Variants in KSR2 observed in about 807,000 individuals in gnomAD.
KSR2 encodes the protein kinase suppressor of ras 2.
In KSR2, 25 loss-of-function variants were observed where a neutral mutation model predicts 107.8. That is an observed-to-expected ratio of 0.23 (90% CI 0.17 to 0.32). KSR2 has a LOEUF of 0.32. Ranked by LOEUF, KSR2 falls within the 10% of genes least tolerant of loss-of-function variation. KSR2 has a pLI of 1.00. For missense variants in KSR2, 887 were observed against 1,268.9 expected, an observed-to-expected ratio of 0.70 and a Z score of 4.57; for synonymous variants, 480 against 507.0, an observed-to-expected ratio of 0.95 and a Z score of 0.71.
At chr12:117,594,945 G>A (rs1323710240) in intron 5 of KSR2, among the ~76,000 whole-genome samples, 1 of 150,568 alleles carries the variant, frequency 6.6e-6, no homozygotes, top group Non-Finnish European at 1.5e-5. Context: ...AGCTCCAAAT[G>A]TCAACAGTGC....
chr12:117,952,482 C>T lies in KSR2; in HGVS notation c.180+15594G>A, dbSNP rs114596364. On this transcript the variant is annotated intron_variant, in intron 1 of 19. Coordinates refer to ENST00000339824, the MANE Select transcript of KSR2 (RefSeq NM_173598.6). ...TGGCCAACATAGCAAAACCCCGTCT[C>T]TACAAATACAAAATATTTGTAAAAT... Among the ~76,000 whole-genome samples, 720 of 151,084 alleles carry T rather than the reference C, an allele frequency of 4.8e-3. 6 individuals are homozygous for T. The highest frequency in any genetic ancestry group is 0.016 in the African/African-American group (664 of 41,110).
intron 3 of KSR2, among the ~76,000 whole-genome samples, chr12:117,854,933 T>C (rs913266493): frequency 2.0e-5 from 3 of 152,126 alleles, no homozygotes; most frequent in African/African-American, 7.2e-5. Context: ...AGTATACATA[T>C]ATCCATTTGT....
At chr12:117,507,062 C>T (rs1403102623) in intron 14 of KSR2, among the ~76,000 whole-genome samples, 2 of 152,206 alleles carry the variant, frequency 1.3e-5, no homozygotes, top group African/African-American at 2.4e-5. Context: ...AAAAGTCTCT[C>T]ATTTTCATTA....
chr12:117,732,676 C>T (rs565224558), intron 4 of KSR2, among the ~76,000 whole-genome samples: 1 of 152,250 alleles, frequency 6.6e-6, no homozygotes, highest in South Asian at 2.1e-4. Flanking sequence ...GGAAGGAGGC[C>T]TCAGCTGGAG....
chr12:117,777,894 A>G (rs11068676), intron 3 of KSR2, among the ~76,000 whole-genome samples: 78,874 of 151,350 alleles, frequency 0.52, 22,235 homozygotes, highest in African/African-American at 0.73. Flanking sequence ...TTAGCAGGGT[A>G]TGGTGGCATG....
intron 4 of KSR2, among the ~76,000 whole-genome samples, chr12:117,697,223 A>C (rs1246985451): frequency 6.6e-6 from 1 of 152,218 alleles, no homozygotes; most frequent in Non-Finnish European, 1.5e-5. Flanking sequence ...TTAATTTGCA[A>C]GTTTTATTGT....
At chr12:117,615,362 G>A (rs1482699980) in intron 5 of KSR2, among the ~76,000 whole-genome samples, 1 of 144,540 alleles carries the variant, frequency 6.9e-6, no homozygotes, top group South Asian at 2.4e-4. Flanking sequence ...CTTGAGGAAG[G>A]ATGACATCTG....
intron 5 of KSR2, among the ~76,000 whole-genome samples, chr12:117,635,517 A>G (rs1883025823): frequency 2.6e-5 from 4 of 152,346 alleles, no homozygotes; most frequent in Admixed American, 2.6e-4. Flanking sequence ...ATGAAAGGTT[A>G]AGATACATGG....
At chr12:117,879,944 C>T (rs531851042) in intron 1 of KSR2, among the ~76,000 whole-genome samples, 25 of 152,178 alleles carry the variant, frequency 1.6e-4, no homozygotes, top group African/African-American at 5.5e-4. Context: ...GTCAGGAGTT[C>T]GAGACCAGCC....
chr12:117,885,256 T>C (rs937427041), intron 1 of KSR2, among the ~76,000 whole-genome samples: 1 of 152,160 alleles, frequency 6.6e-6, no homozygotes, highest in Non-Finnish European at 1.5e-5. Context: ...CTGCCCCTAT[T>C]TATTGAGTGC....
chr12:117,846,522 T>C (rs56893057), intron 3 of KSR2, among the ~76,000 whole-genome samples: 1,769 of 152,218 alleles, frequency 0.012, 34 homozygotes, highest in African/African-American at 0.041. Context: ...AGGCTGGTCT[T>C]GGACTCCTGG....
At chr12:117,809,394 A>G (rs544534442) in intron 3 of KSR2, among the ~76,000 whole-genome samples, 1 of 152,278 alleles carries the variant, frequency 6.6e-6, no homozygotes, top group African/African-American at 2.4e-5. Flanking sequence ...AAGGCGAAGT[A>G]GCACCCCCAC....
chr12:117,457,390 A>C lies in KSR2; in HGVS notation c.*9809T>G, dbSNP rs1036982533. 6.6e-6 allele frequency: 1 copy of C among 152,294 alleles called. No homozygotes were observed. Among genetic ancestry groups the C allele is most frequent in the East Asian group, 1.9e-4 (1 of 5,180 alleles). 9.4% of individuals were successfully genotyped at this position (152,294 alleles called of 1,614,324 possible). A position where few individuals can be genotyped will look rare whatever the true frequency, so the allele number is the denominator to read the frequency against. ...GTCTGGAGATGGTTTTGGATGTCAC[A>C]CTTTGGATGTCAACTGGAGGCTTTT... On this transcript the variant is annotated 3_prime_UTR_variant, in exon 20 of 20. Transcript: ENST00000339824.
chr12:117,750,786 G>A lies in KSR2; in HGVS notation c.986+10225C>T, dbSNP rs943029743. The stretch of plus-strand genomic sequence containing the variant: ...TGGTTTTATGTTCCTGTGTTAGTTT[G>A]CTTAGGATAATGGCCGCCAGCTGCA... On this transcript the variant is annotated intron_variant, in intron 4 of 19. Coordinates refer to ENST00000339824, the MANE Select transcript of KSR2 (RefSeq NM_173598.6). 5.9e-5 allele frequency among the ~76,000 whole-genome samples: 9 copies of A among 152,280 alleles called. No homozygotes were observed. In the South Asian group the frequency reaches 1.9e-3, roughly 32 times the overall value.
chr12:117,950,439 T>C (rs979940333), intron 1 of KSR2, among the ~76,000 whole-genome samples: 13 of 152,058 alleles, frequency 8.5e-5, no homozygotes, highest in South Asian at 2.1e-4. Flanking sequence ...TTTGAAATCT[T>C]ACATAAATGT....
intron 4 of KSR2, among the ~76,000 whole-genome samples, chr12:117,678,618 G>A (rs1885239673): frequency 6.6e-6 from 1 of 152,178 alleles, no homozygotes; most frequent in Non-Finnish European, 1.5e-5. Context: ...CCATGACACA[G>A]GATCTGGCCT....
chr12:117,709,897 A>G (rs73213832), intron 4 of KSR2, among the ~76,000 whole-genome samples: 28,208 of 152,140 alleles, frequency 0.19, 2,786 homozygotes, highest in Middle Eastern at 0.23. Context: ...GAGGGGGCAA[A>G]ATCACCAAGA....
chr12:117,959,836 T>C (rs1297161516), intron 1 of KSR2, among the ~76,000 whole-genome samples: 1 of 148,400 alleles, frequency 6.7e-6, no homozygotes, highest in Non-Finnish European at 1.5e-5. Context: ...GAGGCTGAAG[T>C]GGGAGGAAGG....
chr12:117,555,040 A>G (rs1877563050), intron 9 of KSR2, 129 bp downstream of exon 9: 2 of 1,098,312 alleles, frequency 1.8e-6, no homozygotes, highest in Middle Eastern at 3.0e-4. Flanking sequence ...CACAAACATC[A>G]CAGAATTAGG....
Sources: allele counts gnomAD v4.1 joint callset (sites outside exome capture counted in the v4.1 genomes callset), GRCh38; gene constraint gnomAD v4.1.1; transcripts MANE v1.5; gene names NCBI Gene and HGNC (gene_info 2026-07-23, HGNC 2026-07-21).